Variants in KTN1 observed in about 807,000 individuals in gnomAD.
KTN1 encodes the protein kinectin 1, also known as kinectin.
Under a neutral mutation model 222.5 loss-of-function variants are expected in KTN1, and 130 were observed. That is an observed-to-expected ratio of 0.58 (90% CI 0.51 to 0.68). The LOEUF (loss-of-function observed/expected upper bound fraction) is 0.68, where lower values mean the gene tolerates loss of function less well. Among genes scored for constraint, KTN1 ranks in the 30% least tolerant of loss-of-function variants. The pLI, the probability that KTN1 is intolerant of heterozygous loss-of-function variation, is 0.00. For missense variants in KTN1, 1,508 were observed against 1,500.4 expected, an observed-to-expected ratio of 1.01 and a Z score of -0.08; for synonymous variants, 512 against 496.3, an observed-to-expected ratio of 1.03 and a Z score of -0.42.
chr14:55,629,893 A>C, intron 6 of KTN1, 64 bp from the exon 7 acceptor site: 1 of 1,012,486 alleles, frequency 9.9e-7, no homozygotes. Flanking sequence ...ATTGTTTATC[A>C]TTGTTGCAGG....
chr14:55,681,184 A>G (rs1209589621), intron 43 of KTN1: 1 of 157,208 alleles, frequency 6.4e-6, no homozygotes, highest in African/African-American at 2.4e-5. Flanking sequence ...CATTTTTGCA[A>G]AAATCATTAA....
At chr14:55,593,054 A>G (rs1056538296) in intron 1 of KTN1, among the ~76,000 whole-genome samples, 3 of 151,630 alleles carry the variant, frequency 2.0e-5, no homozygotes, top group Admixed American at 6.6e-5. Context: ...TTATTTTTCT[A>G]TTTTGTCTAG....
intron 2 of KTN1, among the ~76,000 whole-genome samples, chr14:55,614,191 C>CAAAA (rs1271018244): frequency 1.2e-4 from 18 of 152,046 alleles, no homozygotes; most frequent in Admixed American, 3.9e-4. Flanking sequence ...TTAGGTTAGC[C>CAAAA]ATTGTTGAAG....
chr14:55,622,762 C>T (rs1286342215), intron 5 of KTN1, among the ~76,000 whole-genome samples: 2 of 152,080 alleles, frequency 1.3e-5, no homozygotes, highest in Non-Finnish European at 2.9e-5. Flanking sequence ...TGTTTTTTTC[C>T]CACATAACTG....
At chr14:55,652,393 CTTTTTT>C (rs769501863) in intron 25 of KTN1, among the ~76,000 whole-genome samples, 3 of 117,426 alleles carry the variant, frequency 2.6e-5, no homozygotes, top group African/African-American at 9.8e-5. Context: ...TCTTAAATGC[CTTTTTT>C]TTTTTTTTTT....
intron 32 of KTN1, 113 bp downstream of exon 32, chr14:55,661,725 A>G: frequency 3.6e-6 from 2 of 552,598 alleles, no homozygotes; most frequent in Non-Finnish European, 6.3e-6. Context: ...AATCTTTGTA[A>G]GAAAGTACTA....
chr14:55,642,919 T>TTTC (rs1221723391), intron 18 of KTN1, among the ~76,000 whole-genome samples: 17 of 152,078 alleles, frequency 1.1e-4, no homozygotes, highest in Non-Finnish European at 2.1e-4. Context: ...TTTTTTTTTT[T>TTTC]TTCTTCTTGA....
chr14:55,641,422 C>A (rs1222880636), intron 17 of KTN1, among the ~76,000 whole-genome samples: 2 of 151,936 alleles, frequency 1.3e-5, no homozygotes, highest in African/African-American at 2.4e-5. Flanking sequence ...TATTTTTGGC[C>A]CCCAATCTTT....
At chr14:55,583,407 G>C (rs2032190124) in intron 1 of KTN1, among the ~76,000 whole-genome samples, 1 of 150,356 alleles carries the variant, frequency 6.7e-6, no homozygotes, top group East Asian at 1.9e-4. Flanking sequence ...CGGAAATGTA[G>C]AAGACATACC....
Position 55,653,035 on chromosome 14 carries a change from G to A in KTN1, c.2713G>A (p.Glu905Lys). 1.2e-6 allele frequency: 2 copies of A among 1,606,034 alleles called. No homozygotes were observed. The highest frequency in any genetic ancestry group is 1.7e-6 in the Non-Finnish European group (2 of 1,173,242). ...KWLQDLQEEN[E>K]SLKAHVQEVA... ...TTTTAAGGATCTTCAAGAAGAAAAT[G>A]AATCTTTAAAAGCACATGTTCAGGA... The change falls in exon 27 of 44, where the codon GAA becomes AAA. Residue 905 changes from glutamate (E) to lysine (K), a missense_variant. Transcript: ENST00000395314.
In KTN1 at chr14:55,648,840, T is replaced by A. The variant is rs1031229905; in HGVS notation, c.2337T>A (p.Val779=). Residue 779 remains valine, a synonymous_variant, in exon 21 of 44, where the codon GTT becomes GTA. Coordinates refer to ENST00000395314, the MANE Select transcript of KTN1 (RefSeq NM_001079521.2). ...RTENSSLTKE[V]QDLKAKQNDQ... is the part of the protein sequence containing the mutation. ...AAAATTCATCTCTGACAAAAGAAGT[T>A]CAAGACTTAAAAGCTAAGCAAAATG... The A allele has an allele frequency of 1.9e-6, 3 of 1,605,120 alleles. No individual in the cohort carries two copies. The African/African-American group carries it at 4.0e-5, about 21-fold the overall frequency.
chr14:55,615,962 C>T (rs759410984), intron 2 of KTN1, among the ~76,000 whole-genome samples: 4 of 151,448 alleles, frequency 2.6e-5, no homozygotes, highest in East Asian at 1.9e-4. Flanking sequence ...TGCTGAGGCT[C>T]GAGTGAATGG....
intron 5 of KTN1, among the ~76,000 whole-genome samples, chr14:55,621,830 A>G (rs1941610089): frequency 6.6e-6 from 1 of 150,636 alleles, no homozygotes; most frequent in Non-Finnish European, 1.5e-5. Flanking sequence ...TAAAATAAGT[A>G]AGATGATTTA....
In KTN1 at chr14:55,658,857, T is replaced by C. The variant is rs574874749; in HGVS notation, c.2961+243T>C. On this transcript the variant is annotated intron_variant, in intron 30 of 43. Transcript: ENST00000395314. ...TCCAGCTCTGTTTTGTATTCATGTG[T>C]GTTTTCTGATCCTAGAATTCTTAGC... 3.3e-5 allele frequency among the ~76,000 whole-genome samples: 5 copies of C among 152,350 alleles called. No individual in the cohort carries two copies. In the South Asian group the frequency reaches 1.0e-3, roughly 32 times the overall value.
chr14:55,645,020 C>T (rs2042161643), intron 18 of KTN1, among the ~76,000 whole-genome samples: 1 of 152,074 alleles, frequency 6.6e-6, no homozygotes, highest in South Asian at 2.1e-4. Flanking sequence ...TTCTTGCCCT[C>T]CTAATATGGA....
chr14:55,617,611 A>C (rs1408820762), intron 3 of KTN1, among the ~76,000 whole-genome samples: 1 of 152,216 alleles, frequency 6.6e-6, no homozygotes, highest in Non-Finnish European at 1.5e-5. Flanking sequence ...AACATAAATA[A>C]AAACTAATAG....
intron 24 of KTN1, 28 bp from the exon 25 acceptor site, chr14:55,651,862 A>T: frequency 6.9e-7 from 1 of 1,459,022 alleles, no homozygotes; most frequent in South Asian, 1.2e-5. Flanking sequence ...AGGATTATTA[A>T]TTGATTTTTC....
At position 55,612,197 on chromosome 14, in the gene KTN1, C is replaced by G. The variant is rs1360250388; in HGVS notation, c.149C>G (p.Thr50Ser). The G allele has an allele frequency of 1.9e-6, 3 of 1,586,772 alleles. No homozygotes were observed. Among genetic ancestry groups the G allele is most frequent in the Non-Finnish European group, 2.6e-6 (3 of 1,173,020 alleles). The change falls in exon 2 of 44, where the codon ACC (threonine) becomes AGC (serine). Residue 50 changes from threonine (T) to serine (S), a missense_variant. Coordinates refer to ENST00000395314, the MANE Select transcript of KTN1 (RefSeq NM_001079521.2). ...AAAAGAGAACAAAAGCTTATTCCTA[C>G]CAAAACAGATAAAAAGAAAGCAGAA... ...KQKREQKLIPTKTDKKKAEKK... is the reference protein window; with the variant it reads ...KQKREQKLIPSKTDKKKAEKK...
intron 4 of KTN1, 61 bp downstream of exon 4, chr14:55,618,195 G>C: frequency 8.2e-7 from 1 of 1,223,856 alleles, no homozygotes. Context: ...AGTTCTGATG[G>C]AGTCATAGAT....
Sources: allele counts gnomAD v4.1 joint callset (sites outside exome capture counted in the v4.1 genomes callset), GRCh38; gene constraint gnomAD v4.1.1; transcripts MANE v1.5; gene names NCBI Gene and HGNC (gene_info 2026-07-23, HGNC 2026-07-21).